Variants in ZNF513 observed in about 807,000 individuals in gnomAD.
ZNF513 encodes zinc finger protein 513.
In ZNF513, 16 loss-of-function variants were observed where a neutral mutation model predicts 39.7. That is an observed-to-expected ratio of 0.40 (90% confidence interval 0.27 to 0.61). ZNF513 has a LOEUF of 0.61. Among genes scored for constraint, ZNF513 ranks in the 20% least tolerant of loss-of-function variants. The pLI is 0.39. For synonymous variants in ZNF513, 348 were observed against 296.5 expected (o/e 1.17, Z -1.79); for missense variants, 699 against 743.6 (o/e 0.94, Z 0.70).
chr2:27,379,579 CA>C (rs545925109), intron 2 of ZNF513, among the ~76,000 whole-genome samples: 6 of 152,136 alleles, frequency 3.9e-5, no homozygotes, highest in African/African-American at 1.4e-4. Context: ...CAATGACTTT[CA>C]AAAAACATCT....
intron 2 of ZNF513, 80 bp from the exon 3 acceptor site, chr2:27,379,134 C>T (rs1683500738): frequency 7.1e-7 from 1 of 1,404,990 alleles, no homozygotes; most frequent in African/African-American, 1.4e-5. Context: ...CTTATGGTCT[C>T]CCCACTTGCT....
In ZNF513 at chr2:27,378,821, G is replaced by A. The variant is rs1683478750; in HGVS notation, c.445C>T (p.Leu149=). Reference sequence around the variant, plus strand: ...AAGGTGCAGAGGCGGCATGAGTACAGTAGCCGTGGGGGCAGCAGGGGCCCC... The same window carrying A: ...AAGGTGCAGAGGCGGCATGAGTACAATAGCCGTGGGGGCAGCAGGGGCCCC... ...GGGPLLPPRL[L]YSCRLCTFVS... The change falls in exon 3 of 4, where the codon CTG becomes TTG. Residue 149 remains leucine (L), a synonymous_variant. Coordinates refer to ENST00000323703, the MANE Select transcript of ZNF513 (RefSeq NM_144631.6). The surrounding 1 kb of genome is among the most constrained non-coding windows in gnomAD (Gnocchi z 8.0). 3 of 1,612,498 alleles carry A rather than the reference G, an allele frequency of 1.9e-6. No individual in the cohort carries two copies. The highest frequency in any genetic ancestry group is 2.5e-6 in the Non-Finnish European group (3 of 1,179,342).
rs371424464 is a variant in ZNF513 at position 27,378,570 on chromosome 2, G to C, written c.696C>G (p.Pro232=). The change falls in exon 3 of 4, where the codon CCC becomes CCG. Residue 232 remains proline (P), a synonymous_variant. Coordinates refer to ENST00000323703, the MANE Select transcript of ZNF513 (RefSeq NM_144631.6). The surrounding 1 kb of genome is among the most constrained non-coding windows in gnomAD (Gnocchi z 8.0). ...RRHQRTHAGP[P]TPPCPTCGFR... is the part of the protein sequence containing the mutation. ...AGCCACAGGTCGGGCAGGGAGGAGTGGGGGGCCCTGCGTGGGTACGCTGAT... is the reference window on the plus strand; with the variant it reads ...AGCCACAGGTCGGGCAGGGAGGAGTCGGGGGCCCTGCGTGGGTACGCTGAT... 2 of 1,613,774 alleles carry C rather than the reference G, an allele frequency of 1.2e-6. No homozygotes were observed. The highest frequency in any genetic ancestry group is 2.2e-5 in the East Asian group (1 of 44,882).
chr2:27,379,272 G>C (rs190234386), intron 2 of ZNF513, among the ~76,000 whole-genome samples: 278 of 152,316 alleles, frequency 1.8e-3, no homozygotes, highest in African/African-American at 6.4e-3. Context: ...AGTGATGGTA[G>C]AATTGACCTG....
chr2:27,379,913 C>A (rs140005776), intron 2 of ZNF513, among the ~76,000 whole-genome samples, 180 bp downstream of exon 2: 1,601 of 152,310 alleles, frequency 0.011, 26 homozygotes, highest in African/African-American at 0.037. Flanking sequence ...CTCAGAACTT[C>A]ACCTCAACAA....
In ZNF513 at chr2:27,377,707, C is replaced by T; in HGVS notation, c.1464G>A (p.Lys488=). The T allele has an allele frequency of 6.2e-7, 1 of 1,614,226 alleles. No individual in the cohort carries two copies. The highest frequency in any genetic ancestry group is 1.1e-5 in the South Asian group (1 of 91,086). ...AYTTGHWDNY[K]RHQKVHGHGG... ...CGTGGCCATGCACCTTCTGGTGGCG[C>T]TTGTAGTTGTCCCAGTGGCCCGTGG... Residue 488 remains lysine, a synonymous_variant, in exon 4 of 4, where the codon AAG becomes AAA. Coordinates refer to ENST00000323703, the MANE Select transcript of ZNF513 (RefSeq NM_144631.6). This position sits in a 1 kb window ranked among gnomAD's most constrained non-coding sequence, Gnocchi z 4.4.
chr2:27,378,716 G>A lies in ZNF513; in HGVS notation c.550C>T (p.Pro184Ser). The A allele has an allele frequency of 6.2e-7, 1 of 1,613,964 alleles. No individual in the cohort carries two copies. The change falls in exon 3 of 4, where the codon CCC becomes TCC. Residue 184 changes from proline (P) to serine (S), a missense_variant. Physicochemically the swap from Pro to Ser is moderately conservative, Grantham distance 74 (BLOSUM62 -1). This residue lies in a region of ZNF513 where 530 missense variants were observed against 499.3 expected (regional missense o/e 1.06). Coordinates refer to ENST00000323703, the MANE Select transcript of ZNF513 (RefSeq NM_144631.6). This position sits in a 1 kb window ranked among gnomAD's most constrained non-coding sequence, Gnocchi z 8.0. ...GEKPFRCGRC[P>S]YASAQLVNLT... ...TTGACGAGCTGGGCTGAGGCGTAGG[G>A]GCAGCGGCCACAGCGGAACGGCTTC...
rs1482180268 is a variant in ZNF513, at chr2:27,378,741, C to A, written c.525G>T (p.Glu175Asp). 6.2e-7 allele frequency: 1 copy of A among 1,614,044 alleles called. No individual in the cohort carries two copies. Among genetic ancestry groups the A allele is most frequent in the African/African-American group, 1.3e-5 (1 of 75,062 alleles). ...LKRHMQTHSG[E>D]KPFRCGRCPY... ...GGCAGCGGCCACAGCGGAACGGCTT[C>A]TCTCCGCTGTGTGTCTGCATGTGCC... The change falls in exon 3 of 4, where the codon GAG (glutamate) becomes GAT (aspartate). Residue 175 changes from glutamate (E) to aspartate (D), a missense_variant. This residue lies in a region of ZNF513 where 530 missense variants were observed against 499.3 expected (regional missense o/e 1.06). Coordinates refer to ENST00000323703, the MANE Select transcript of ZNF513 (RefSeq NM_144631.6). This position sits in a 1 kb window ranked among gnomAD's most constrained non-coding sequence, Gnocchi z 8.0.
At position 27,380,153 on chromosome 2, in the gene ZNF513, C is replaced by T. The variant is rs767763235; in HGVS notation, c.151G>A (p.Glu51Lys). The T allele has an allele frequency of 6.2e-7, 1 of 1,614,118 alleles. No homozygotes were observed. Among genetic ancestry groups the T allele is most frequent in the Non-Finnish European group, 8.5e-7 (1 of 1,180,018 alleles). ...GQDLEFEEEE[E>K]EEEGDGNSDQ... ...CTGTTGCCGTCGCCTTCCTCCTCTT[C>T]CTCTTCCTCCTCAAACTCCAGATCC... Residue 51 changes from glutamate (E) to lysine (K), a missense_variant, in exon 2 of 4, where the codon GAA becomes AAA. This residue lies in a region of ZNF513 where 530 missense variants were observed against 499.3 expected (regional missense o/e 1.06). Coordinates refer to ENST00000323703, the MANE Select transcript of ZNF513 (RefSeq NM_144631.6).
chr2:27,377,311 CGGTTTGTCCACAGCCCCTG>C lies in ZNF513; in HGVS notation c.*215_*233del. The C allele has an allele frequency of 1.5e-6, 1 of 652,310 alleles. No homozygotes were observed. Among genetic ancestry groups the C allele is most frequent in the Non-Finnish European group, 2.8e-6 (1 of 360,250 alleles). 40.4% of individuals were successfully genotyped at this position (652,310 alleles called of 1,614,324 possible). On this transcript the variant is annotated 3_prime_UTR_variant, in exon 4 of 4. Transcript: ENST00000323703. This position sits in a 1 kb window ranked among gnomAD's most constrained non-coding sequence, Gnocchi z 4.4. ...GTGGGAGGCTGGGCAGTCCCCCAGC[CGGTTTGTCCACAGCCCCTG>C]GGGGCAGTGGAGGTGAATACAGGGC...
intron 1 of ZNF513, 109 bp from the exon 2 acceptor site, chr2:27,380,357 G>A (rs1395245879): frequency 1.9e-6 from 3 of 1,601,910 alleles, no homozygotes; most frequent in African/African-American, 1.3e-5. Context: ...TCGGTGGGAA[G>A]CTAGGAGTCT....
In ZNF513 at chr2:27,380,709, C is replaced by CGCCGCT. The variant is rs1324946366; in HGVS notation, c.-189_-184dup. ...CAGCTCAGGCCGCTCCCGCCGCCGC[C>CGCCGCT]GCCGCTTCCATTCATGGAGCCCCCT... On this transcript the variant is annotated 5_prime_UTR_variant, in exon 1 of 4. Coordinates refer to ENST00000323703, the MANE Select transcript of ZNF513 (RefSeq NM_144631.6). The CGCCGCT allele has an allele frequency of 2.4e-5, 26 of 1,093,840 alleles. No individual in the cohort carries two copies. The highest frequency in any genetic ancestry group is 4.3e-5 in the Admixed American group (1 of 23,378). The allele number at this position is 1,093,840 out of a possible 1,614,324, so 67.8% of individuals were successfully genotyped here. A position where few individuals can be genotyped will look rare whatever the true frequency, so the allele number is the denominator to read the frequency against.
At position 27,380,159 on chromosome 2, in the gene ZNF513, C is replaced by T. The variant is rs373415604; in HGVS notation, c.145G>A (p.Glu49Lys). ...CCGTCGCCTTCCTCCTCTTCCTCTTCCTCCTCAAACTCCAGATCCTGGCCT... is the reference window on the plus strand; with the variant it reads ...CCGTCGCCTTCCTCCTCTTCCTCTTTCTCCTCAAACTCCAGATCCTGGCCT... The part of the protein sequence containing the change: ...LLGQDLEFEE[E>K]EEEEEGDGNS... The change falls in exon 2 of 4, where the codon GAA (glutamate) becomes AAA (lysine). Residue 49 changes from glutamate (E) to lysine (K), a missense_variant. Physicochemically the swap from Glu to Lys is moderately conservative, Grantham distance 56 (BLOSUM62 1). Around this residue, in one of 3 missense-constraint regions of ZNF513, gnomAD observed 530 missense variants for 499.3 expected, o/e 1.06. Coordinates refer to ENST00000323703, the MANE Select transcript of ZNF513 (RefSeq NM_144631.6). 9 of 1,614,126 alleles carry T rather than the reference C, an allele frequency of 5.6e-6. No homozygotes were observed. The highest frequency in any genetic ancestry group is 7.6e-6 in the Non-Finnish European group (9 of 1,180,030).
intron 2 of ZNF513, among the ~76,000 whole-genome samples, chr2:27,379,481 C>A (rs998317155): frequency 6.6e-6 from 1 of 152,124 alleles, no homozygotes; most frequent in Admixed American, 6.5e-5. Flanking sequence ...ATCTCTGAGG[C>A]AAAATTTGGA....
intron 1 of ZNF513, 40 bp from the exon 2 acceptor site, chr2:27,380,288 C>A (rs1440413661): frequency 6.2e-7 from 1 of 1,613,694 alleles, no homozygotes. Context: ...CCCTCAGGAA[C>A]CAGCCCTCGT....
Position 27,380,397 on chromosome 2 carries a change from C to A in ZNF513, c.55+75G>T. ...CGCCCACTTCATCCCTCAGGAGTCC[C>A]CCTCCACCCTGACCTGAGCCCACTC... is the stretch of plus-strand genomic sequence containing the variant. On this transcript the variant is annotated intron_variant, in intron 1 of 3. Transcript: ENST00000323703. The A allele has an allele frequency of 6.3e-6, 10 of 1,576,946 alleles. No individual in the cohort carries two copies. In the South Asian group the frequency reaches 1.0e-4, roughly 16 times the overall value.
Position 27,380,596 on chromosome 2 carries a change from G to GA in ZNF513, c.-71_-70insT. 1.3e-6 allele frequency: 2 copies of GA among 1,537,652 alleles called. No individual in the cohort carries two copies. Among genetic ancestry groups the GA allele is most frequent in the East Asian group, 4.9e-5 (2 of 40,424 alleles). ...GACCCCGCCCCTCCTATCTCGGCCC[G>GA]CCTGTCTGCCCTTCCTCTCAGGGCC... On this transcript the variant is annotated 5_prime_UTR_variant, in exon 1 of 4. Coordinates refer to ENST00000323703, the MANE Select transcript of ZNF513 (RefSeq NM_144631.6).
chr2:27,380,396 C>A (rs576656199), intron 1 of ZNF513, 76 bp downstream of exon 1: 1 of 1,577,106 alleles, frequency 6.3e-7, no homozygotes. Flanking sequence ...CTCAGGAGTC[C>A]CCCTCCACCC....
Position 27,377,694 on chromosome 2 carries a change from C to G in ZNF513, c.1477G>C (p.Val493Leu). 6.2e-7 allele frequency: 1 copy of G among 1,614,190 alleles called. No homozygotes were observed. The change falls in exon 4 of 4, where the codon GTG becomes CTG. Residue 493 changes from valine (V) to leucine (L), a missense_variant. Val to Leu is a conservative substitution (Grantham distance 32, BLOSUM62 1). Coordinates refer to ENST00000323703, the MANE Select transcript of ZNF513 (RefSeq NM_144631.6). This position sits in a 1 kb window ranked among gnomAD's most constrained non-coding sequence, Gnocchi z 4.4. ...CCTCCTGCCCCACCGTGGCCATGCA[C>G]CTTCTGGTGGCGCTTGTAGTTGTCC... ...HWDNYKRHQK[V>L]HGHGGAGGPG...
Sources: allele counts gnomAD v4.1 joint callset (sites outside exome capture counted in the v4.1 genomes callset), GRCh38; gene constraint gnomAD v4.1.1; regional missense constraint gnomAD v4.1.1; non-coding constraint Gnocchi (gnomAD v3.1); transcripts MANE v1.5; gene names NCBI Gene and HGNC (gene_info 2026-07-23, HGNC 2026-07-21).